THSD7A: variants seen among roughly 807,000 people sequenced by gnomAD.
THSD7A encodes the protein thrombospondin type 1 domain containing 7A.
In THSD7A, 96 loss-of-function variants were observed where a neutral mutation model predicts 231.3. That is an observed-to-expected ratio of 0.41 (90% CI 0.35 to 0.49). THSD7A has a LOEUF of 0.49. Among genes scored for constraint, THSD7A ranks in the 20% least tolerant of loss-of-function variants. The pLI, the probability that THSD7A is intolerant of heterozygous loss-of-function variation, is 0.05. For missense variants in THSD7A, 2,290 were observed against 2,070.2 expected (o/e 1.11, Z -2.06); for synonymous variants, 940 against 743.3 (o/e 1.26, Z -4.30).
rs1159230888 is a variant in THSD7A at position 11,446,501 on chromosome 7, TG to T, written c.2801-178del. Among the ~76,000 whole-genome samples, 1 of 152,144 alleles carries T rather than the reference TG, an allele frequency of 6.6e-6. No individual in the cohort carries two copies. Among genetic ancestry groups the T allele is most frequent in the Non-Finnish European group, 1.5e-5 (1 of 68,022 alleles). ...CAGTGTTTTCTACATAGGCTCCTGTTGGTATTGGGTGCTTTGCATAGTAAAA... is the reference window on the plus strand; with the variant it reads ...CAGTGTTTTCTACATAGGCTCCTGTTGTATTGGGTGCTTTGCATAGTAAAA... On this transcript the variant is annotated intron_variant, in intron 12 of 27. Coordinates refer to ENST00000423059, the MANE Select transcript of THSD7A (RefSeq NM_015204.3). The surrounding 1 kb of genome is among the most constrained non-coding windows in gnomAD (Gnocchi z 4.0).
intron 1 of THSD7A, among the ~76,000 whole-genome samples, chr7:11,656,660 T>C (rs1782720321): frequency 6.6e-6 from 1 of 151,880 alleles, no homozygotes. Flanking sequence ...AACTTAACCA[T>C]TCCATTCCAT....
In THSD7A at chr7:11,372,629, A is replaced by C. The variant is rs1782100116; in HGVS notation, c.*3165T>G. ...TGAAATAGTCCAGCAAAATCATATA[A>C]TACTGTGTCAAACTTTTTCTGCTCT... is the stretch of plus-strand genomic sequence containing the variant. On this transcript the variant is annotated 3_prime_UTR_variant, in exon 28 of 28. Coordinates refer to ENST00000423059, the MANE Select transcript of THSD7A (RefSeq NM_015204.3). 1 of 152,072 alleles carries C rather than the reference A, an allele frequency of 6.6e-6. No homozygotes were observed. Among genetic ancestry groups the C allele is most frequent in the South Asian group, 2.1e-4 (1 of 4,826 alleles). The allele number at this position is 152,072 out of a possible 1,614,324, so 9.4% of individuals were successfully genotyped here.
At chr7:11,550,586 G>T (rs1211897088) in intron 4 of THSD7A, among the ~76,000 whole-genome samples, 2 of 152,114 alleles carry the variant, frequency 1.3e-5, no homozygotes, top group African/African-American at 4.8e-5. Context: ...TGAAGAAGGT[G>T]CTTGCTTCTC....
intron 1 of THSD7A, among the ~76,000 whole-genome samples, chr7:11,650,062 T>A (rs1362349849): frequency 6.6e-6 from 1 of 152,038 alleles, no homozygotes; most frequent in Non-Finnish European, 1.5e-5. Context: ...TTCTTACCAA[T>A]GAGAATTGAG....
At chr7:11,581,047 G>T (rs753031864) in intron 4 of THSD7A, among the ~76,000 whole-genome samples, 3 of 152,012 alleles carry the variant, frequency 2.0e-5, no homozygotes, top group Non-Finnish European at 4.4e-5. Context: ...GTAATTGATG[G>T]TCAGAAAAAT....
At chr7:11,726,547 T>C (rs75573335) in intron 1 of THSD7A, among the ~76,000 whole-genome samples, 17 of 85,446 alleles carry the variant, frequency 2.0e-4, no homozygotes, top group Non-Finnish European at 4.1e-4. Context: ...CCAGAATTGA[T>C]TTTTTTTGCA....
At chr7:11,432,014 A>C (rs948786158) in intron 13 of THSD7A, among the ~76,000 whole-genome samples, 1 of 152,152 alleles carries the variant, frequency 6.6e-6, no homozygotes, top group Non-Finnish European at 1.5e-5. Flanking sequence ...TGGCAAATTT[A>C]ATCTATAAGA....
chr7:11,787,002 A>G (rs150057033), intron 1 of THSD7A, among the ~76,000 whole-genome samples: 1 of 152,218 alleles, frequency 6.6e-6, no homozygotes, highest in East Asian at 1.9e-4. Context: ...TAAATTAGTT[A>G]CCAACATTTA....
intron 1 of THSD7A, among the ~76,000 whole-genome samples, chr7:11,733,829 T>A (rs1200345630): frequency 2.0e-5 from 3 of 151,926 alleles, no homozygotes; most frequent in Non-Finnish European, 4.4e-5. Flanking sequence ...TATACAAAGA[T>A]ATTTTTCAGT....
intron 6 of THSD7A, among the ~76,000 whole-genome samples, chr7:11,496,279 C>T (rs994569282): frequency 2.6e-5 from 4 of 152,110 alleles, no homozygotes; most frequent in Non-Finnish European, 4.4e-5. Context: ...TGATTAATGT[C>T]CCCAACTTTA....
At position 11,795,694 on chromosome 7, in the gene THSD7A, C is replaced by T. The variant is rs573713111; in HGVS notation, c.190+36063G>A. ...TACATATGTCAGAGGGTTCTCTGCT[C>T]CCTTACGCTTCTGCTTCCTGAAAAT... On this transcript the variant is annotated intron_variant, in intron 1 of 27. Coordinates refer to ENST00000423059, the MANE Select transcript of THSD7A (RefSeq NM_015204.3). Among the ~76,000 whole-genome samples, 7 of 151,798 alleles carry T rather than the reference C, an allele frequency of 4.6e-5. 2 individuals are homozygous for T. The South Asian group carries it at 1.5e-3, about 32-fold the overall frequency.
chr7:11,711,360 T>C (rs1780958230), intron 1 of THSD7A, among the ~76,000 whole-genome samples: 1 of 150,984 alleles, frequency 6.6e-6, no homozygotes, highest in Non-Finnish European at 1.5e-5. Context: ...TTATTTGTTG[T>C]GTCAATGCCC....
At chr7:11,480,690 G>C (rs75576817) in intron 7 of THSD7A, among the ~76,000 whole-genome samples, 4 of 151,868 alleles carry the variant, frequency 2.6e-5, no homozygotes, top group Non-Finnish European at 5.9e-5. Flanking sequence ...AATGTTTTAC[G>C]CATGTAACAC....
At chr7:11,616,809 A>G (rs1011550768) in intron 2 of THSD7A, among the ~76,000 whole-genome samples, 1 of 152,162 alleles carries the variant, frequency 6.6e-6, no homozygotes, top group Non-Finnish European at 1.5e-5. Context: ...TATTCTACTC[A>G]GAAAAAAAGT....
chr7:11,588,912 C>T (rs1452372862), intron 4 of THSD7A, among the ~76,000 whole-genome samples: 1 of 152,166 alleles, frequency 6.6e-6, no homozygotes, highest in Non-Finnish European at 1.5e-5. Flanking sequence ...TATCCCTAGG[C>T]TAGACTCCTA....
intron 6 of THSD7A, among the ~76,000 whole-genome samples, chr7:11,531,072 G>C (rs1583916505): frequency 1.3e-5 from 2 of 152,232 alleles, no homozygotes; most frequent in South Asian, 4.1e-4. Flanking sequence ...ATTTATGGTG[G>C]ATAATACCAT....
chr7:11,696,424 G>A (rs1420227527), intron 1 of THSD7A, among the ~76,000 whole-genome samples: 1 of 151,380 alleles, frequency 6.6e-6, no homozygotes, highest in Non-Finnish European at 1.5e-5. Flanking sequence ...ATTTTTGTTT[G>A]TTTGTTTTAT....
At chr7:11,524,704 A>G (rs10230933) in intron 6 of THSD7A, among the ~76,000 whole-genome samples, 39,035 of 151,814 alleles carry the variant, frequency 0.26, 6,196 homozygotes, top group African/African-American at 0.45. Context: ...ATACACATGG[A>G]CAGTCAAACC....
At chr7:11,497,518 T>C (rs187756374) in intron 6 of THSD7A, among the ~76,000 whole-genome samples, 1 of 152,214 alleles carries the variant, frequency 6.6e-6, no homozygotes, top group Non-Finnish European at 1.5e-5. Flanking sequence ...ACCAATCCAA[T>C]GTTGTTTCAA....
Sources: allele counts gnomAD v4.1 joint callset (sites outside exome capture counted in the v4.1 genomes callset), GRCh38; gene constraint gnomAD v4.1.1; non-coding constraint Gnocchi (gnomAD v3.1); transcripts MANE v1.5; gene names NCBI Gene and HGNC (gene_info 2026-07-23, HGNC 2026-07-21).